The following SLC25A13 variants were observed in gnomAD, a reference collection of about 807,000 sequenced individuals.
SLC25A13 encodes the protein solute carrier family 25 member 13, also known as electrogenic aspartate/glutamate antiporter SLC25A13, mitochondrial.
In SLC25A13, 70 loss-of-function variants were observed where a neutral mutation model predicts 85.5. The observed-to-expected ratio is 0.82, with a 90% CI of 0.68 to 1.00. SLC25A13 has a LOEUF of 1.00. SLC25A13 is among the 50% of genes least tolerant of loss of function. The pLI is 0.00. For missense variants in SLC25A13, 765 were observed against 819.8 expected, an observed-to-expected ratio of 0.93 and a Z score of 0.82; for synonymous variants, 259 against 288.7, an observed-to-expected ratio of 0.90 and a Z score of 1.04.
intron 2 of SLC25A13, chr7:96,283,734 A>C (rs1798772931): frequency 8.0e-6 from 2 of 248,524 alleles, no homozygotes. Flanking sequence ...TGCTCCACGC[A>C]GAGAAGCACA....
chr7:96,171,364 G>C, intron 12 of SLC25A13, 108 bp downstream of exon 12: 1 of 968,582 alleles, frequency 1.0e-6, no homozygotes, highest in Non-Finnish European at 1.7e-6. Context: ...TTTCAAATTA[G>C]CTAGCACCTC....
intron 14 of SLC25A13, 23 bp downstream of exon 14, chr7:96,146,533 G>C: frequency 6.3e-7 from 1 of 1,592,848 alleles, no homozygotes; most frequent in Non-Finnish European, 8.6e-7. Context: ...TCAAATAAAT[G>C]ACTAAAAAAA....
At chr7:96,227,485 G>A (rs749379234) in intron 4 of SLC25A13, among the ~76,000 whole-genome samples, 5 of 152,140 alleles carry the variant, frequency 3.3e-5, no homozygotes, top group Admixed American at 6.6e-5. Flanking sequence ...AAGAATAGCC[G>A]AGATAATCTT....
At chr7:96,290,640 T>C (rs2116978540) in intron 2 of SLC25A13, among the ~76,000 whole-genome samples, 1 of 147,940 alleles carries the variant, frequency 6.8e-6, no homozygotes, top group East Asian at 2.0e-4. Context: ...TAGTCTCTGA[T>C]AAAACAGACT....
At position 96,154,243 on chromosome 7, in the gene SLC25A13, C is replaced by T. The variant is rs186665801; in HGVS notation, c.1312-7547G>A. ...GAAATTTTTAAAGTTTAGCACAAGA[C>T]TAGATAAATGGAAAGATCCAAATAC... On this transcript the variant is annotated intron_variant, in intron 13 of 17. Coordinates refer to ENST00000265631, the MANE Select transcript of SLC25A13 (RefSeq NM_014251.3). 3.4e-3 allele frequency among the ~76,000 whole-genome samples: 509 copies of T among 149,746 alleles called. 4 individuals are homozygous for T. Among genetic ancestry groups the T allele is most frequent in the Admixed American group, 5.9e-3 (89 of 15,024 alleles).
chr7:96,191,052 CTAATAA>C, intron 7 of SLC25A13, 51 bp downstream of exon 7: 1 of 1,604,592 alleles, frequency 6.2e-7, no homozygotes, highest in Non-Finnish European at 8.5e-7. Context: ...CTTCTTCACC[CTAATAA>C]TAATACACCA....
At chr7:96,140,052 G>A (rs1400905458) in intron 14 of SLC25A13, among the ~76,000 whole-genome samples, 3 of 144,540 alleles carry the variant, frequency 2.1e-5, no homozygotes, top group African/African-American at 7.7e-5. Flanking sequence ...TCCGCCTCCC[G>A]GGTTCACGCC....
chr7:96,189,986 T>C (rs1794782951), intron 7 of SLC25A13, among the ~76,000 whole-genome samples: 1 of 152,162 alleles, frequency 6.6e-6, no homozygotes, highest in Admixed American at 6.5e-5. Context: ...GAGGGGAAGT[T>C]ATATTAATCT....
At chr7:96,275,025 G>GT (rs1798393552) in intron 3 of SLC25A13, among the ~76,000 whole-genome samples, 1 of 152,170 alleles carries the variant, frequency 6.6e-6, no homozygotes, top group African/African-American at 2.4e-5. Context: ...CTTTAAAGTA[G>GT]TTTTTTCCAA....
chr7:96,272,718 A>G (rs1798290319), intron 3 of SLC25A13, among the ~76,000 whole-genome samples: 1 of 152,256 alleles, frequency 6.6e-6, no homozygotes, highest in South Asian at 2.1e-4. Flanking sequence ...ATACAGAATT[A>G]AAGTATGCAA....
intron 5 of SLC25A13, among the ~76,000 whole-genome samples, chr7:96,202,878 A>T (rs1795312958): frequency 6.6e-6 from 1 of 152,082 alleles, no homozygotes; most frequent in South Asian, 2.1e-4. Flanking sequence ...CCAAGAGTCA[A>T]CCTTGAGTTC....
chr7:96,121,679 C>G lies in SLC25A13; in HGVS notation c.1817G>C (p.Trp606Ser). Reference sequence around the variant, plus strand: ...CACTCCTCCAAAATCAATGTAGAACCATCGCTGTAGCAATTCGTAAGTCAG... The same window carrying G: ...CACTCCTCCAAAATCAATGTAGAACGATCGCTGTAGCAATTCGTAAGTCAG... ...TLLTYELLQR[W>S]FYIDFGGVKP... Residue 606 changes from tryptophan to serine, a missense_variant, in exon 17 of 18, where the codon TGG (tryptophan) becomes TCG (serine). Physicochemically the swap from Trp to Ser is radical, Grantham distance 177. Transcript: ENST00000265631. 6.2e-7 allele frequency: 1 copy of G among 1,614,094 alleles called. No homozygotes were observed. Among genetic ancestry groups the G allele is most frequent in the Non-Finnish European group, 8.5e-7 (1 of 1,180,018 alleles).
In SLC25A13 at chr7:96,258,715, T is replaced by C. The variant is rs1271478979; in HGVS notation, c.212+18481A>G. On this transcript the variant is annotated intron_variant, in intron 3 of 17. Transcript: ENST00000265631. ...CCTTCACAGAATTAGAAAAAACTAC[T>C]TTAAATTTCACATGGAAACAAAAAA... is the stretch of plus-strand genomic sequence containing the variant. Among the ~76,000 whole-genome samples, 5 of 152,314 alleles carry C rather than the reference T, an allele frequency of 3.3e-5. No homozygotes were observed. The East Asian group carries it at 7.7e-4, about 23-fold the overall frequency.
intron 14 of SLC25A13, among the ~76,000 whole-genome samples, chr7:96,132,308 T>TG (rs1194095376): frequency 1.3e-5 from 2 of 151,962 alleles, no homozygotes; most frequent in Non-Finnish European, 2.9e-5. Flanking sequence ...ATTATACAGG[T>TG]GGGGGGAAAA....
At chr7:96,222,327 T>A (rs1260110183) in intron 4 of SLC25A13, among the ~76,000 whole-genome samples, 1 of 152,218 alleles carries the variant, frequency 6.6e-6, no homozygotes, top group Non-Finnish European at 1.5e-5. Flanking sequence ...AGCCCAGGCC[T>A]CCCAGTGTGG....
chr7:96,206,099 A>G (rs1045678380), intron 5 of SLC25A13, among the ~76,000 whole-genome samples: 1 of 152,216 alleles, frequency 6.6e-6, no homozygotes, highest in Admixed American at 6.5e-5. Context: ...CTGTCTCTAC[A>G]TGCCATACAA....
chr7:96,256,803 G>C (rs1226439241), intron 3 of SLC25A13, among the ~76,000 whole-genome samples: 2 of 151,940 alleles, frequency 1.3e-5, no homozygotes, highest in Admixed American at 6.6e-5. Flanking sequence ...TTCTAAAATC[G>C]ACCACATAAT....
At chr7:96,304,126 T>C (rs528469821) in intron 1 of SLC25A13, among the ~76,000 whole-genome samples, 65 of 152,304 alleles carry the variant, frequency 4.3e-4, no homozygotes, top group Non-Finnish European at 7.9e-4. Flanking sequence ...TCATCCTTCA[T>C]CCTACAGTTT....
chr7:96,123,363 A>G (rs1156782373), intron 15 of SLC25A13, among the ~76,000 whole-genome samples: 1 of 152,234 alleles, frequency 6.6e-6, no homozygotes, highest in Non-Finnish European at 1.5e-5. Context: ...GAAAGAGTTT[A>G]GCAAGACAGC....
Sources: gnomAD v4.1 joint callset for allele counts (sites outside exome capture counted in the v4.1 genomes callset) on GRCh38, gnomAD v4.1.1 for gene constraint, MANE v1.5 for transcripts, NCBI Gene and HGNC (gene_info 2026-07-23, HGNC 2026-07-21) for gene names.